DNAJC11: variants seen among roughly 807,000 people sequenced by gnomAD.
The protein encoded by DNAJC11 is dnaJ homolog subfamily C member 11.
DNAJC11 carries 15 observed loss-of-function variants against 78.6 expected under a neutral mutation model. The ratio of observed to expected loss-of-function variants is 0.19; its 90% CI spans 0.13 to 0.29. The LOEUF (loss-of-function observed/expected upper bound fraction) is 0.29. DNAJC11 is among the 10% of genes least tolerant of loss of function. The pLI is 1.00. For synonymous variants in DNAJC11, 292 were observed against 272.1 expected, an observed-to-expected ratio of 1.07 and a Z score of -0.72; for missense variants, 547 against 709.6, an observed-to-expected ratio of 0.77 and a Z score of 2.60.
At chr1:6,666,161 C>T (rs1025199708) in intron 4 of DNAJC11, among the ~76,000 whole-genome samples, 2 of 152,142 alleles carry the variant, frequency 1.3e-5, no homozygotes, top group South Asian at 2.1e-4. Context: ...TTATTGATTA[C>T]ACATGATAAT....
At chr1:6,637,162 T>G in intron 14 of DNAJC11, 36 bp downstream of exon 14, 1 of 1,613,112 alleles carries the variant, frequency 6.2e-7, no homozygotes, top group Non-Finnish European at 8.5e-7. Context: ...TTCAAATCTG[T>G]GAGCACATAG....
intron 1 of DNAJC11, among the ~76,000 whole-genome samples, chr1:6,695,506 T>A (rs1642820141): frequency 1.3e-5 from 2 of 151,658 alleles, no homozygotes; most frequent in Admixed American, 6.6e-5. Flanking sequence ...TTAAAGAAAC[T>A]GATGGCCAGG....
At chr1:6,652,749 G>C in intron 6 of DNAJC11, 80 bp downstream of exon 6, 2 of 1,586,388 alleles carry the variant, frequency 1.3e-6, no homozygotes, top group Non-Finnish European at 1.7e-6. Flanking sequence ...GGGTGAGTTT[G>C]AGGGTGAGCT....
intron 2 of DNAJC11, among the ~76,000 whole-genome samples, chr1:6,679,436 T>C (rs1395543983): frequency 6.6e-6 from 1 of 152,200 alleles, no homozygotes; most frequent in Non-Finnish European, 1.5e-5. Flanking sequence ...CTGAACGATA[T>C]CCCAACTGAA....
In DNAJC11 at chr1:6,680,062, G is replaced by A. The variant is rs368749239; in HGVS notation, c.202+846C>T. Among the ~76,000 whole-genome samples, 7 of 152,174 alleles carry A rather than the reference G, an allele frequency of 4.6e-5. No homozygotes were observed. The highest frequency in any genetic ancestry group is 1.7e-4 in the African/African-American group (7 of 41,436). On this transcript the variant is annotated intron_variant, in intron 2 of 15. Coordinates refer to ENST00000377577, the MANE Select transcript of DNAJC11 (RefSeq NM_018198.4). The surrounding 1 kb of genome is among the most constrained non-coding windows in gnomAD (Gnocchi z 4.0). The stretch of plus-strand genomic sequence containing the variant: ...CTACAAGCTATTATGTATACAGTGA[G>A]ATGACTTTATGATTTTATAAAGAAA...
At chr1:6,640,798 C>T (rs886431339) in intron 10 of DNAJC11, among the ~76,000 whole-genome samples, 3 of 152,038 alleles carry the variant, frequency 2.0e-5, no homozygotes, top group Non-Finnish European at 2.9e-5. Context: ...GCCTGGTCAA[C>T]AAGAGGAAAA....
rs1642516156 is a variant in DNAJC11, at chr1:6,679,144, A to G, written c.203-677T>C. ...TGGTAAATTTCTGCCACGGTGTATA[A>G]AAGTACACTGACTTGAAAGAGTGGG... is the stretch of plus-strand genomic sequence containing the variant. On this transcript the variant is annotated intron_variant, in intron 2 of 15. Coordinates refer to ENST00000377577, the MANE Select transcript of DNAJC11 (RefSeq NM_018198.4). Among the ~76,000 whole-genome samples the G allele has an allele frequency of 2.0e-5, 3 of 152,178 alleles. 1 individual carries two copies. In the South Asian group the frequency reaches 6.2e-4, roughly 31 times the overall value.
intron 10 of DNAJC11, among the ~76,000 whole-genome samples, chr1:6,641,390 AAT>A (rs1218697111): frequency 3.9e-5 from 5 of 127,162 alleles, no homozygotes; most frequent in East Asian, 4.1e-4. Context: ...AAAAAAAAAA[AAT>A]ATATATATAT....
intron 1 of DNAJC11, among the ~76,000 whole-genome samples, chr1:6,692,825 G>A (rs1397549971): frequency 6.6e-6 from 1 of 152,040 alleles, no homozygotes; most frequent in Non-Finnish European, 1.5e-5. Context: ...TGGTCACGCT[G>A]GTCTCAAACT....
chr1:6,701,403 ACTG>A (rs747008514), intron 1 of DNAJC11, among the ~76,000 whole-genome samples: 27 of 152,130 alleles, frequency 1.8e-4, no homozygotes, highest in Non-Finnish European at 3.4e-4. Context: ...GTCTCGGAGG[ACTG>A]CTAACCCCAC....
chr1:6,644,804 C>T, intron 9 of DNAJC11, 130 bp from the exon 10 acceptor site: 2 of 849,588 alleles, frequency 2.4e-6, no homozygotes, highest in South Asian at 1.6e-5. Flanking sequence ...GGAGCAGATT[C>T]ATGACAGAAG....
intron 3 of DNAJC11, among the ~76,000 whole-genome samples, chr1:6,675,384 C>A (rs1359965517): frequency 1.3e-5 from 2 of 151,468 alleles, no homozygotes; most frequent in Non-Finnish European, 2.9e-5. Flanking sequence ...TTGCCACCCA[C>A]GACTGTGCAC....
intron 7 of DNAJC11, among the ~76,000 whole-genome samples, chr1:6,649,130 T>C (rs1322286981): frequency 1.3e-5 from 2 of 152,044 alleles, no homozygotes; most frequent in Non-Finnish European, 2.9e-5. Flanking sequence ...AGCCCTGGGA[T>C]TGCAGGTGTG....
chr1:6,661,070 C>T (rs1245500376), intron 4 of DNAJC11, among the ~76,000 whole-genome samples: 4 of 152,214 alleles, frequency 2.6e-5, no homozygotes, highest in African/African-American at 9.7e-5. Flanking sequence ...GTACAGTGTG[C>T]TGATTTGATC....
chr1:6,636,324 C>A, intron 14 of DNAJC11, 78 bp from the exon 15 acceptor site: 2 of 1,551,848 alleles, frequency 1.3e-6, no homozygotes, highest in South Asian at 1.2e-5. Flanking sequence ...ACCGGAGGGG[C>A]AGTGTGCACA....
intron 3 of DNAJC11, among the ~76,000 whole-genome samples, chr1:6,674,770 G>A (rs772316765): frequency 6.6e-6 from 1 of 151,818 alleles, no homozygotes; most frequent in Non-Finnish European, 1.5e-5. Flanking sequence ...ACTGACAACT[G>A]GGCCAGTATT....
chr1:6,647,362 C>A (rs1228349004), intron 7 of DNAJC11, among the ~76,000 whole-genome samples: 1 of 151,940 alleles, frequency 6.6e-6, no homozygotes, highest in Non-Finnish European at 1.5e-5. Flanking sequence ...GGATTATAGG[C>A]ACGAGCCACT....
In DNAJC11 at chr1:6,645,935, T is replaced by C; in HGVS notation, c.748A>G (p.Ile250Val). The stretch of plus-strand genomic sequence containing the variant: ...AGGACAGTGGTCAGGCCGGGTCGGA[T>C]TCCACGGGATGAAAACTGCAGAGCA... ...NCALQFSSRG[I>V]RPGLTTVLAR... Residue 250 changes from isoleucine (I) to valine (V), a missense_variant, in exon 8 of 16, where the codon ATC becomes GTC. Coordinates refer to ENST00000377577, the MANE Select transcript of DNAJC11 (RefSeq NM_018198.4). This position sits in a 1 kb window ranked among gnomAD's most constrained non-coding sequence, Gnocchi z 4.1. 2 of 1,614,154 alleles carry C rather than the reference T, an allele frequency of 1.2e-6. No homozygotes were observed. The highest frequency in any genetic ancestry group is 4.5e-5 in the East Asian group (2 of 44,882).
chr1:6,700,369 A>G (rs139235762), intron 1 of DNAJC11, among the ~76,000 whole-genome samples: 2,798 of 152,260 alleles, frequency 0.018, 75 homozygotes, highest in African/African-American at 0.064. Flanking sequence ...TATTGCTCAC[A>G]CAAAGCCTGT....
Sources: gnomAD v4.1 joint callset for allele counts (sites outside exome capture counted in the v4.1 genomes callset) on GRCh38, gnomAD v4.1.1 for gene constraint, Gnocchi (gnomAD v3.1) non-coding constraint, MANE v1.5 for transcripts, NCBI Gene and HGNC (gene_info 2026-07-23, HGNC 2026-07-21) for gene names.